The following CRIM1 variants were observed in gnomAD, a reference collection of about 807,000 sequenced individuals.
CRIM1 encodes cysteine rich transmembrane BMP regulator 1.
In CRIM1, 32 loss-of-function variants were observed where a neutral mutation model predicts 116.4. The observed-to-expected ratio is 0.27, with a 90% CI of 0.21 to 0.37. The LOEUF is 0.37. CRIM1 is among the 10% of genes least tolerant of loss of function. CRIM1 has a pLI of 1.00. For synonymous variants in CRIM1, 590 were observed against 509.2 expected (o/e 1.16, Z -2.13); for missense variants, 1,331 against 1,354.8 (o/e 0.98, Z 0.28).
intron 14 of CRIM1, among the ~76,000 whole-genome samples, chr2:36,542,589 AG>A (rs1298394090): frequency 6.6e-6 from 1 of 152,188 alleles, no homozygotes; most frequent in Non-Finnish European, 1.5e-5. Flanking sequence ...TGACATTTAC[AG>A]GTTTGTTGGA....
At chr2:36,510,739 G>T (rs983525822) in intron 9 of CRIM1, among the ~76,000 whole-genome samples, 1 of 151,918 alleles carries the variant, frequency 6.6e-6, no homozygotes, top group Non-Finnish European at 1.5e-5. Flanking sequence ...GATTATTCCA[G>T]GGGGGGAAAT....
chr2:36,418,413 AG>A (rs765654372), intron 2 of CRIM1, among the ~76,000 whole-genome samples: 1 of 152,134 alleles, frequency 6.6e-6, no homozygotes, highest in Non-Finnish European at 1.5e-5. Context: ...CAGCTTCCCA[AG>A]TAGCTGGGAA....
At chr2:36,418,616 G>T (rs1394830405) in intron 2 of CRIM1, among the ~76,000 whole-genome samples, 1 of 152,106 alleles carries the variant, frequency 6.6e-6, no homozygotes, top group East Asian at 1.9e-4. Context: ...CCATGTCCGG[G>T]TTCCCCTTTT....
chr2:36,544,272 A>G, intron 14 of CRIM1, 104 bp from the exon 15 acceptor site: 1 of 1,036,436 alleles, frequency 9.6e-7, no homozygotes, highest in African/African-American at 1.7e-5. Flanking sequence ...TTCATGTCCC[A>G]GGAAATGTGG....
At chr2:36,362,388 C>G (rs1669282480) in intron 1 of CRIM1, among the ~76,000 whole-genome samples, 1 of 152,146 alleles carries the variant, frequency 6.6e-6, no homozygotes, top group Admixed American at 6.5e-5. Flanking sequence ...GGTGATCCTA[C>G]CCATTCTCCT....
intron 1 of CRIM1, among the ~76,000 whole-genome samples, chr2:36,357,858 T>G (rs764076155): frequency 3.3e-5 from 5 of 152,198 alleles, no homozygotes. Flanking sequence ...TTGTGTGTGT[T>G]TGTTTAGTAT....
Position 36,544,465 on chromosome 2 carries a change from C to T in CRIM1, c.2713C>T (p.Pro905Ser). 1 of 1,394,948 alleles carries T rather than the reference C, an allele frequency of 7.2e-7. No homozygotes were observed. The allele number at this position is 1,394,948 out of a possible 1,614,324, so 86.4% of individuals were successfully genotyped here. Reference sequence around the variant, plus strand: ...CCTGGAGGTTCCCCTGTGGCCCACGCCTAGTGAAAATGATATCGTCCATCT... The same window carrying T: ...CCTGGAGGTTCCCCTGTGGCCCACGTCTAGTGAAAATGATATCGTCCATCT... Reference protein sequence around the residue: ...VDLEVPLWPTPSENDIVHLPR... With the variant: ...VDLEVPLWPTSSENDIVHLPR... Residue 905 changes from proline (P) to serine (S), a missense_variant, in exon 15 of 17, where the codon CCT (proline) becomes TCT (serine). Around this residue, in one of 3 missense-constraint regions of CRIM1, gnomAD observed 283 missense variants for 242.8 expected, o/e 1.17. Coordinates refer to ENST00000280527, the MANE Select transcript of CRIM1 (RefSeq NM_016441.3).
intron 8 of CRIM1, among the ~76,000 whole-genome samples, chr2:36,504,578 A>G (rs1330054784): frequency 1.3e-5 from 2 of 152,254 alleles, no homozygotes; most frequent in African/African-American, 2.4e-5. Flanking sequence ...CAGGACATAC[A>G]GAAAGTTTAC....
At chr2:36,390,849 G>T (rs796908794) in intron 1 of CRIM1, among the ~76,000 whole-genome samples, 1 of 151,070 alleles carries the variant, frequency 6.6e-6, no homozygotes, top group Non-Finnish European at 1.5e-5. Flanking sequence ...TTGCTCTGTC[G>T]CCCAGGCTCA....
At position 36,404,606 on chromosome 2, in the gene CRIM1, G is replaced by A. The variant is rs1672652865; in HGVS notation, c.505+7819G>A. 2.0e-5 allele frequency among the ~76,000 whole-genome samples: 3 copies of A among 152,162 alleles called. No individual in the cohort carries two copies. In the South Asian group the frequency reaches 6.2e-4, roughly 32 times the overall value. ...GCCACTACACCTCAGATTCACTAGGGCAAATTTAGTTTGCTTTTACCTGAG... is the reference window on the plus strand; with the variant it reads ...GCCACTACACCTCAGATTCACTAGGACAAATTTAGTTTGCTTTTACCTGAG... On this transcript the variant is annotated intron_variant, in intron 2 of 16. Coordinates refer to ENST00000280527, the MANE Select transcript of CRIM1 (RefSeq NM_016441.3).
At chr2:36,377,512 G>T (rs868085421) in intron 1 of CRIM1, among the ~76,000 whole-genome samples, 1 of 152,184 alleles carries the variant, frequency 6.6e-6, no homozygotes, top group African/African-American at 2.4e-5. Flanking sequence ...CCTGGCCAAA[G>T]CTCCCCAACC....
chr2:36,548,373 C>G (rs976865414), intron 16 of CRIM1, 152 bp from the exon 17 acceptor site: 1 of 391,744 alleles, frequency 2.6e-6, no homozygotes, highest in East Asian at 4.5e-5. Context: ...ATAGTTGGTA[C>G]TAGAACAAGA....
chr2:36,536,772 C>CTCTTTTTTTCTCAAAAACCAGTTT (rs1459310497), intron 13 of CRIM1, among the ~76,000 whole-genome samples: 6 of 151,354 alleles, frequency 4.0e-5, no homozygotes, highest in South Asian at 2.1e-4. Context: ...AGACAAATAG[C>CTCTTTTTTTCTCAAAAACCAGTTT]TCTTTTTTTC....
At chr2:36,436,095 T>C (rs3770887) in intron 2 of CRIM1, among the ~76,000 whole-genome samples, 28,158 of 151,938 alleles carry the variant, frequency 0.19, 2,969 homozygotes, top group East Asian at 0.49. Flanking sequence ...TTCTAATTGA[T>C]GGAGTGGCTG....
chr2:36,503,353 C>T (rs913029682), intron 8 of CRIM1, among the ~76,000 whole-genome samples: 2 of 152,182 alleles, frequency 1.3e-5, no homozygotes, highest in Admixed American at 6.5e-5. Context: ...TCTGTGTCCA[C>T]ATATGTAAAG....
intron 5 of CRIM1, among the ~76,000 whole-genome samples, chr2:36,473,523 C>T (rs773313605): frequency 6.6e-6 from 1 of 152,152 alleles, no homozygotes; most frequent in Non-Finnish European, 1.5e-5. Flanking sequence ...TGCCCATTTT[C>T]CCCCTAAGCT....
chr2:36,427,160 C>T (rs1674517386), intron 2 of CRIM1, among the ~76,000 whole-genome samples: 1 of 150,970 alleles, frequency 6.6e-6, no homozygotes, highest in Admixed American at 6.6e-5. Context: ...GAGATCGCAC[C>T]ACTGCACTCC....
chr2:36,486,033 A>G (rs1679793268), intron 7 of CRIM1, among the ~76,000 whole-genome samples: 1 of 152,132 alleles, frequency 6.6e-6, no homozygotes, highest in Admixed American at 6.5e-5. Context: ...AACATCAGAA[A>G]TTTTTCAATG....
chr2:36,549,932 A>G lies in CRIM1; in HGVS notation c.*1231A>G, dbSNP rs1436051637. On this transcript the variant is annotated 3_prime_UTR_variant, in exon 17 of 17. Coordinates refer to ENST00000280527, the MANE Select transcript of CRIM1 (RefSeq NM_016441.3). Reference sequence around the variant, plus strand: ...GATTTTAACCAGAACAAAGGCAGATAAACAGGCATTCCATAGCAGTGCTTT... The same window carrying G: ...GATTTTAACCAGAACAAAGGCAGATGAACAGGCATTCCATAGCAGTGCTTT... The G allele has an allele frequency of 6.6e-6, 1 of 152,518 alleles. No homozygotes were observed. Among genetic ancestry groups the G allele is most frequent in the South Asian group, 2.1e-4 (1 of 4,832 alleles). 9.4% of individuals were successfully genotyped at this position (152,518 alleles called of 1,614,324 possible).
Sources: gnomAD v4.1 joint callset for allele counts (sites outside exome capture counted in the v4.1 genomes callset) on GRCh38, gnomAD v4.1.1 for gene constraint, gnomAD v4.1.1 regional missense constraint, MANE v1.5 for transcripts, NCBI Gene and HGNC (gene_info 2026-07-23, HGNC 2026-07-21) for gene names.